FNDC1: variants seen among roughly 807,000 people sequenced by gnomAD.
FNDC1 encodes the protein fibronectin type III domain-containing protein 1.
In FNDC1, 96 loss-of-function variants were observed where a neutral mutation model predicts 168.0. The ratio of observed to expected loss-of-function variants is 0.57; its 90% CI spans 0.48 to 0.68. FNDC1 has a LOEUF of 0.68. Ranked by LOEUF, FNDC1 falls within the 30% of genes least tolerant of loss-of-function variation. FNDC1 has a pLI of 0.00. For missense variants in FNDC1, 2,587 were observed against 2,482.1 expected (o/e 1.04, Z -0.90); for synonymous variants, 1,099 against 1,025.9 (o/e 1.07, Z -1.36).
At position 159,271,444 on chromosome 6, in the gene FNDC1, C is replaced by T. The variant is rs145063756; in HGVS notation, c.*2C>T. The T allele has an allele frequency of 2.9e-3, 4,623 of 1,599,478 alleles. 121 individuals carry two copies. In the African/African-American group the frequency reaches 0.053, roughly 18 times the overall value. On this transcript the variant is annotated 3_prime_UTR_variant, in exon 23 of 23. Coordinates refer to ENST00000297267, the MANE Select transcript of FNDC1 (RefSeq NM_032532.3). ...GTCTCCATCCCTGGAAAGTGGTAAT[C>T]ACAGGACCGTCATGCTGCAAGCTTG...
At chr6:159,254,991 G>C (rs1220153342) in intron 17 of FNDC1, among the ~76,000 whole-genome samples, 1 of 152,122 alleles carries the variant, frequency 6.6e-6, no homozygotes, top group African/African-American at 2.4e-5. Context: ...TCTCTCACCT[G>C]GTTACTGTAA....
At chr6:159,191,529 T>C (rs1055386600) in intron 1 of FNDC1, among the ~76,000 whole-genome samples, 1 of 152,274 alleles carries the variant, frequency 6.6e-6, no homozygotes, top group Admixed American at 6.5e-5. Context: ...CAACATTTTG[T>C]TAGTGGATTT....
Position 159,239,735 on chromosome 6 carries a change from A to C in FNDC1, c.4399A>C (p.Arg1467=). ...GCCCCTGCCTACCACTACAACCCCG[A>C]GGCCCACCACTGCCACCACCCGCCG... ...TTPLPTTTTP[R]PTTATTRRTT... Residue 1467 remains arginine (R), a synonymous_variant, in exon 14 of 23, where the codon AGG becomes CGG. Coordinates refer to ENST00000297267, the MANE Select transcript of FNDC1 (RefSeq NM_032532.3). 1 of 1,546,960 alleles carries C rather than the reference A, an allele frequency of 6.5e-7. No homozygotes were observed. The highest frequency in any genetic ancestry group is 8.7e-7 in the Non-Finnish European group (1 of 1,144,564).
intron 17 of FNDC1, 143 bp from the exon 18 acceptor site, chr6:159,256,380 A>G: frequency 1.5e-6 from 1 of 657,416 alleles, no homozygotes. Flanking sequence ...ATCCTGTCCC[A>G]CAGTGCCGCG....
At chr6:159,191,036 G>T (rs771121661) in intron 1 of FNDC1, among the ~76,000 whole-genome samples, 1 of 152,200 alleles carries the variant, frequency 6.6e-6, no homozygotes, top group African/African-American at 2.4e-5. Flanking sequence ...CAAGCTTGGC[G>T]GAAAGCAAAG....
intron 4 of FNDC1, among the ~76,000 whole-genome samples, chr6:159,207,610 T>G (rs923176378): frequency 6.6e-6 from 1 of 152,224 alleles, no homozygotes; most frequent in African/African-American, 2.4e-5. Context: ...ATATTAATCC[T>G]GAAAGGAAGC....
rs769074488 is a variant in FNDC1 at position 159,251,354 on chromosome 6, T to C, written c.4887T>C (p.Thr1629=). 6.2e-7 allele frequency: 1 copy of C among 1,614,038 alleles called. No homozygotes were observed. The highest frequency in any genetic ancestry group is 1.1e-5 in the South Asian group (1 of 91,078). ...ACCCATCAGCCCCGTGCTCTCTGACTGATGCACTGGATCACTTCCAAGTGG... is the reference window on the plus strand; with the variant it reads ...ACCCATCAGCCCCGTGCTCTCTGACCGATGCACTGGATCACTTCCAAGTGG... The part of the protein sequence containing the change: ...NKDPSAPCSL[T]DALDHFQVDS... Residue 1629 remains threonine, a synonymous_variant, in exon 17 of 23, where the codon ACT becomes ACC. Transcript: ENST00000297267.
At chr6:159,173,517 G>A (rs144220769) in intron 1 of FNDC1, among the ~76,000 whole-genome samples, 1 of 152,286 alleles carries the variant, frequency 6.6e-6, no homozygotes, top group East Asian at 1.9e-4. Context: ...GGAATCAGAG[G>A]TTGTAATAGG....
At chr6:159,170,576 T>A (rs1781632442) in intron 1 of FNDC1, among the ~76,000 whole-genome samples, 1 of 152,214 alleles carries the variant, frequency 6.6e-6, no homozygotes, top group Non-Finnish European at 1.5e-5. Flanking sequence ...TTTAGGTTAT[T>A]GGTTTGTAGA....
chr6:159,239,116 C>T (rs429339), intron 13 of FNDC1, among the ~76,000 whole-genome samples: 128,361 of 152,256 alleles, frequency 0.84, 54,592 homozygotes, highest in Non-Finnish European at 0.9. Flanking sequence ...TAATTATGCA[C>T]TGTCTAACTC....
chr6:159,261,238 C>A lies in FNDC1; in HGVS notation c.5223C>A (p.Ile1741=). 6.2e-7 allele frequency: 1 copy of A among 1,613,200 alleles called. No homozygotes were observed. Among genetic ancestry groups the A allele is most frequent in the South Asian group, 1.1e-5 (1 of 90,910 alleles). ...QAQNPHGYGP[I]SPSVSFVTES... ...AAAATCCTCATGGCTACGGACCTAT[C>A]AGCCCTTCGGTCTCATTTGTCACCG... The change falls in exon 19 of 23, where the codon ATC becomes ATA. Residue 1741 remains isoleucine, a synonymous_variant. Coordinates refer to ENST00000297267, the MANE Select transcript of FNDC1 (RefSeq NM_032532.3).
intron 4 of FNDC1, among the ~76,000 whole-genome samples, chr6:159,208,177 T>C (rs1782527837): frequency 6.6e-6 from 1 of 152,056 alleles, no homozygotes. Flanking sequence ...TTGGTGGGGA[T>C]TGGGCTGGGG....
intron 12 of FNDC1, 123 bp downstream of exon 12, chr6:159,236,438 CT>C (rs1468877233): frequency 6.0e-6 from 4 of 663,298 alleles, no homozygotes; most frequent in South Asian, 1.9e-5. Flanking sequence ...GTTTTAACTA[CT>C]TATATGTACT....
intron 1 of FNDC1, among the ~76,000 whole-genome samples, chr6:159,173,324 G>A (rs1781699785): frequency 6.6e-6 from 1 of 152,302 alleles, no homozygotes; most frequent in Non-Finnish European, 1.5e-5. Flanking sequence ...TTCCATCTCT[G>A]GAAGCCTTTA....
intron 22 of FNDC1, among the ~76,000 whole-genome samples, chr6:159,270,538 C>A (rs1246187696): frequency 6.6e-6 from 1 of 152,150 alleles, no homozygotes; most frequent in Non-Finnish European, 1.5e-5. Flanking sequence ...AACAGAGCTG[C>A]TGGGTATTCA....
Position 159,226,503 on chromosome 6 carries a change from T to A in FNDC1, c.1103T>A (p.Val368Asp). The change falls in exon 9 of 23, where the codon GTC becomes GAC. Residue 368 changes from valine (V) to aspartate (D), a missense_variant. By Grantham distance (152) the Val-to-Asp change is radical (BLOSUM62 -3). Transcript: ENST00000297267. ...APTTAPENLNVWPVNGKPTVV... is the reference protein window; with the variant it reads ...APTTAPENLNDWPVNGKPTVV... ...ACCACAGCTCCTGAAAACTTGAACG[T>A]CTGGCCAGTCAATGGCAAACCTACA... 1 of 1,612,642 alleles carries A rather than the reference T, an allele frequency of 6.2e-7. No individual in the cohort carries two copies. The highest frequency in any genetic ancestry group is 8.5e-7 in the Non-Finnish European group (1 of 1,179,400).
chr6:159,214,956 C>T lies in FNDC1; in HGVS notation c.472C>T (p.Pro158Ser). 1 of 1,613,808 alleles carries T rather than the reference C, an allele frequency of 6.2e-7. No homozygotes were observed. The highest frequency in any genetic ancestry group is 8.5e-7 in the Non-Finnish European group (1 of 1,179,822). The change falls in exon 5 of 23, where the codon CCC becomes TCC. Residue 158 changes from proline to serine, a missense_variant. Physicochemically the swap from Pro to Ser is moderately conservative, Grantham distance 74 (BLOSUM62 -1). Coordinates refer to ENST00000297267, the MANE Select transcript of FNDC1 (RefSeq NM_032532.3). ...FNETVTEKEV[P>S]NKPLRVRVRS... is the part of the protein sequence containing the mutation. ...CTGCCCTCTTTAAGAAAAGGAAGTG[C>T]CCAACAAGCCCTTGCGTGTGCGTGT...
At chr6:159,197,165 G>A (rs1325416018) in intron 1 of FNDC1, among the ~76,000 whole-genome samples, 1 of 152,182 alleles carries the variant, frequency 6.6e-6, no homozygotes, top group African/African-American at 2.4e-5. Flanking sequence ...GCCAGACAAT[G>A]CCTAAAGTTT....
In FNDC1 at chr6:159,197,478, A is replaced by G; in HGVS notation, c.157A>G (p.Met53Val). 6.2e-7 allele frequency: 1 copy of G among 1,613,870 alleles called. No homozygotes were observed. Residue 53 changes from methionine to valine, a missense_variant, in exon 2 of 23, where the codon ATG becomes GTG. Met to Val is a conservative substitution (Grantham distance 21). Coordinates refer to ENST00000297267, the MANE Select transcript of FNDC1 (RefSeq NM_032532.3). ...PRHVKLLSTK[M>V]GLKVTWDPPK... ...GCATGTGAAACTGCTGTCCACTAAA[A>G]TGGGCCTGAAAGTCACGTGGGACCC...
Sources: gnomAD v4.1 joint callset for allele counts (sites outside exome capture counted in the v4.1 genomes callset) on GRCh38, gnomAD v4.1.1 for gene constraint, MANE v1.5 for transcripts, NCBI Gene and HGNC (gene_info 2026-07-23, HGNC 2026-07-21) for gene names.